Variants in ENPP6 observed in about 807,000 individuals in gnomAD.
ENPP6 encodes the protein ectonucleotide pyrophosphatase/phosphodiesterase 6.
In ENPP6, 32 loss-of-function variants were observed where a neutral mutation model predicts 42.0. The observed-to-expected ratio is 0.76, with a 90% CI of 0.58 to 1.02. ENPP6 has a LOEUF of 1.02. Ranked by LOEUF, ENPP6 falls within the 50% of genes least tolerant of loss-of-function variation. The probability of loss-of-function intolerance (pLI) is 0.00; values close to 1 mark genes in which losing one functional copy is unlikely to be tolerated. For missense variants in ENPP6, 552 were observed against 566.8 expected (o/e 0.97, Z 0.27); for synonymous variants, 213 against 216.0 (o/e 0.99, Z 0.12).
chr4:184,138,536 A>G (rs563267129), intron 2 of ENPP6, among the ~76,000 whole-genome samples: 1 of 152,382 alleles, frequency 6.6e-6, no homozygotes, highest in East Asian at 1.9e-4. Flanking sequence ...TACCATGTCA[A>G]TGCATCTTAG....
At chr4:184,143,877 T>G (rs1207701029) in intron 2 of ENPP6, among the ~76,000 whole-genome samples, 1 of 152,226 alleles carries the variant, frequency 6.6e-6, no homozygotes, top group Non-Finnish European at 1.5e-5. Flanking sequence ...CTGAAAACAC[T>G]GTAGCTGAAC....
rs113790559 is a variant in ENPP6 at position 184,184,563 on chromosome 4, G to A, written c.242-30830C>T. Among the ~76,000 whole-genome samples, 1 of 152,144 alleles carries A rather than the reference G, an allele frequency of 6.6e-6. No homozygotes were observed. Among genetic ancestry groups the A allele is most frequent in the Admixed American group, 6.5e-5 (1 of 15,270 alleles). On this transcript the variant is annotated intron_variant, in intron 1 of 7. Coordinates refer to ENST00000296741, the MANE Select transcript of ENPP6 (RefSeq NM_153343.4). This position sits in a 1 kb window ranked among gnomAD's most constrained non-coding sequence, Gnocchi z 4.7. ...CAACCTGTGTCTACCCAGAACCTGC[G>A]GAAGTGACCTCATTTGGAAGAAGGG...
At position 184,128,006 on chromosome 4, in the gene ENPP6, T is replaced by C. The variant is rs543549153; in HGVS notation, c.422-3734A>G. ...CATTCTAGATATTGATTTAAAAGAT[T>C]TGAAAATACAGAACAGCATAGCTTT... On this transcript the variant is annotated intron_variant, in intron 2 of 7. Coordinates refer to ENST00000296741, the MANE Select transcript of ENPP6 (RefSeq NM_153343.4). 1.2e-3 allele frequency among the ~76,000 whole-genome samples: 178 copies of C among 152,100 alleles called. 1 individual carries two copies. The South Asian group carries it at 0.037, about 31-fold the overall frequency.
chr4:184,215,544 C>T (rs1185602260), intron 1 of ENPP6, among the ~76,000 whole-genome samples: 1 of 152,194 alleles, frequency 6.6e-6, no homozygotes, highest in Non-Finnish European at 1.5e-5. Flanking sequence ...GCGAATTCTG[C>T]TTCAAGTCTG....
intron 2 of ENPP6, among the ~76,000 whole-genome samples, chr4:184,143,965 C>G (rs945876561): frequency 6.6e-6 from 1 of 152,222 alleles, no homozygotes; most frequent in Non-Finnish European, 1.5e-5. Flanking sequence ...ACCTCTCTGT[C>G]CCACCACAGC....
intron 7 of ENPP6, 89 bp downstream of exon 7, chr4:184,097,156 C>T: frequency 6.4e-7 from 1 of 1,568,838 alleles, no homozygotes; most frequent in Admixed American, 1.7e-5. Context: ...TAAGGAAATC[C>T]CTGCAGCCTC....
chr4:184,101,184 T>A (rs1178738227), intron 6 of ENPP6, among the ~76,000 whole-genome samples: 1 of 151,964 alleles, frequency 6.6e-6, no homozygotes, highest in African/African-American at 2.4e-5. Flanking sequence ...AGTGTGTATG[T>A]GCCTGTGTAT....
intron 6 of ENPP6, among the ~76,000 whole-genome samples, chr4:184,097,971 A>G (rs951142573): frequency 6.6e-6 from 1 of 152,180 alleles, no homozygotes; most frequent in Non-Finnish European, 1.5e-5. Flanking sequence ...TGCGCGATGA[A>G]GCCCCACGTG....
chr4:184,101,906 C>G (rs891313257), intron 6 of ENPP6, among the ~76,000 whole-genome samples: 1 of 152,196 alleles, frequency 6.6e-6, no homozygotes, highest in African/African-American at 2.4e-5. Context: ...CACCAGGACG[C>G]GCGGTGAGAA....
At chr4:184,111,924 G>A (rs1331601024) in intron 6 of ENPP6, among the ~76,000 whole-genome samples, 1 of 152,180 alleles carries the variant, frequency 6.6e-6, no homozygotes, top group African/African-American at 2.4e-5. Flanking sequence ...CATGTACCCT[G>A]GAGCCTGTTC....
rs890785461 is a variant in ENPP6 at position 184,117,665 on chromosome 4, G to A, written c.675+94C>T. 4 of 1,557,314 alleles carry A rather than the reference G, an allele frequency of 2.6e-6. No homozygotes were observed. In the African/African-American group the frequency reaches 4.0e-5, roughly 16 times the overall value. On this transcript the variant is annotated intron_variant, in intron 4 of 7. Transcript: ENST00000296741. ...GTGCTGGCCCAATTGGCCTTTAGCA[G>A]TAAGAGGGAAGATGTTGACAGGAGT...
chr4:184,205,948 G>A (rs114189619), intron 1 of ENPP6, among the ~76,000 whole-genome samples: 1,984 of 152,300 alleles, frequency 0.013, 15 homozygotes, highest in Non-Finnish European at 0.022. Flanking sequence ...GGCAGATGCA[G>A]CTCCCAGCCA....
chr4:184,203,421 T>G (rs1036174715), intron 1 of ENPP6, among the ~76,000 whole-genome samples: 1 of 152,148 alleles, frequency 6.6e-6, no homozygotes, highest in Non-Finnish European at 1.5e-5. Context: ...TATACTGAAG[T>G]TCCCAGCCTC....
chr4:184,126,469 T>C (rs1247471635), intron 2 of ENPP6, among the ~76,000 whole-genome samples: 1 of 152,212 alleles, frequency 6.6e-6, no homozygotes, highest in Non-Finnish European at 1.5e-5. Flanking sequence ...ACAAACATCA[T>C]GGCAGCAGCC....
At chr4:184,157,702 TC>T (rs1737194756) in intron 1 of ENPP6, among the ~76,000 whole-genome samples, 1 of 150,708 alleles carries the variant, frequency 6.6e-6, no homozygotes, top group Admixed American at 6.6e-5. Flanking sequence ...AACCTTGACC[TC>T]CCCAGGTTCA....
At chr4:184,170,637 T>C (rs1296540925) in intron 1 of ENPP6, among the ~76,000 whole-genome samples, 1 of 152,208 alleles carries the variant, frequency 6.6e-6, no homozygotes, top group East Asian at 1.9e-4. Flanking sequence ...CGTGGTGCCA[T>C]TAGCATGTTC....
chr4:184,121,747 A>G (rs1365680512), intron 3 of ENPP6, among the ~76,000 whole-genome samples: 1 of 152,232 alleles, frequency 6.6e-6, no homozygotes, highest in Non-Finnish European at 1.5e-5. Flanking sequence ...GCTACAGGCA[A>G]AGTGCTCTTG....
intron 1 of ENPP6, among the ~76,000 whole-genome samples, chr4:184,181,828 C>A (rs537670282): frequency 2.0e-5 from 3 of 152,078 alleles, no homozygotes; most frequent in Non-Finnish European, 2.9e-5. Flanking sequence ...TAAAACTGGA[C>A]CCCTTCCTTA....
At chr4:184,108,714 G>A (rs1461359332) in intron 6 of ENPP6, among the ~76,000 whole-genome samples, 2 of 136,964 alleles carry the variant, frequency 1.5e-5, no homozygotes, top group African/African-American at 2.5e-5. Flanking sequence ...CTTTAGTCTA[G>A]GAAACTGCAG....
Sources: allele counts gnomAD v4.1 joint callset (sites outside exome capture counted in the v4.1 genomes callset), GRCh38; gene constraint gnomAD v4.1.1; non-coding constraint Gnocchi (gnomAD v3.1); transcripts MANE v1.5; gene names NCBI Gene and HGNC (gene_info 2026-07-23, HGNC 2026-07-21).